The following AK5 variants were observed in gnomAD, a reference collection of about 807,000 sequenced individuals.
The protein encoded by AK5 is adenylate kinase isoenzyme 5.
Under a neutral mutation model 69.5 loss-of-function variants are expected in AK5, and 27 were observed. That is an observed-to-expected ratio of 0.39 (90% confidence interval 0.29 to 0.54). The LOEUF (loss-of-function observed/expected upper bound fraction) is 0.54, where lower values mean the gene tolerates loss of function less well. Ranked by LOEUF, AK5 falls within the 20% of genes least tolerant of loss-of-function variation. AK5 has a pLI of 0.71. For synonymous variants in AK5, 260 were observed against 244.4 expected (o/e 1.06, Z -0.60); for missense variants, 531 against 700.4 (o/e 0.76, Z 2.73).
At chr1:77,456,498 C>G (rs763465445) in intron 8 of AK5, among the ~76,000 whole-genome samples, 74 of 152,308 alleles carry the variant, frequency 4.9e-4, no homozygotes, top group Non-Finnish European at 7.6e-4. Context: ...CAAGCTTGGG[C>G]TGGGGCTCAG....
At chr1:77,461,976 C>A (rs1457326562) in intron 8 of AK5, among the ~76,000 whole-genome samples, 1 of 152,122 alleles carries the variant, frequency 6.6e-6, no homozygotes, top group Non-Finnish European at 1.5e-5. Flanking sequence ...GTGATGAATA[C>A]ATACAATTTT....
rs963719037 is a variant in AK5 at position 77,539,668 on chromosome 1, G to A, written c.1620+3630G>A. On this transcript the variant is annotated intron_variant, in intron 13 of 13. Transcript: ENST00000354567. ...AGGGGAGGGGACAGGATTGTTTGCC[G>A]CTGGAGAGGGAGAAAGCCACTGGCC... Among the ~76,000 whole-genome samples, 14 of 152,210 alleles carry A rather than the reference G, an allele frequency of 9.2e-5. No individual in the cohort carries two copies. The South Asian group carries it at 1.4e-3, about 16-fold the overall frequency.
rs138548840 is a variant in AK5 at position 77,423,990 on chromosome 1, C to A, written c.1059+6275C>A. Among the ~76,000 whole-genome samples, 37 of 152,212 alleles carry A rather than the reference C, an allele frequency of 2.4e-4. 1 individual carries two copies. In the East Asian group the frequency reaches 7.1e-3, roughly 29 times the overall value. On this transcript the variant is annotated intron_variant, in intron 8 of 13. Coordinates refer to ENST00000354567, the MANE Select transcript of AK5 (RefSeq NM_174858.3). ...GTCCCACCCAAAGGGAGAAAAGTAT[C>A]GAAAAACACTGGCAGAGTTCACAGT...
At chr1:77,551,262 A>G (rs1051625601) in intron 13 of AK5, among the ~76,000 whole-genome samples, 2 of 152,048 alleles carry the variant, frequency 1.3e-5, no homozygotes, top group African/African-American at 4.8e-5. Context: ...CTATAAGACA[A>G]CAGAAATTGC....
rs188626986 is a variant in AK5 at position 77,484,934 on chromosome 1, A to G, written c.1103-1374A>G. ...ATGTCATGTACCATCATTCATTTTA[A>G]AACAACTATTTTTTAAAACTGAAAT... On this transcript the variant is annotated intron_variant, in intron 9 of 13. Transcript: ENST00000354567. Among the ~76,000 whole-genome samples the G allele has an allele frequency of 1.8e-4, 27 of 152,332 alleles. No individual in the cohort carries two copies. In the East Asian group the frequency reaches 5.0e-3, roughly 28 times the overall value.
chr1:77,345,343 C>G (rs547012412), intron 6 of AK5, among the ~76,000 whole-genome samples: 1 of 152,174 alleles, frequency 6.6e-6, no homozygotes, highest in Non-Finnish European at 1.5e-5. Flanking sequence ...AAGGCAGAGG[C>G]TGAAAAAAGG....
chr1:77,540,450 G>A (rs1477276921), intron 13 of AK5: 3 of 152,240 alleles, frequency 2.0e-5, no homozygotes, highest in African/African-American at 7.2e-5. Flanking sequence ...AAGTCTGAAT[G>A]CTGTCTCAGA....
At chr1:77,356,335 T>G (rs910377305) in intron 6 of AK5, among the ~76,000 whole-genome samples, 1 of 152,144 alleles carries the variant, frequency 6.6e-6, no homozygotes, top group Non-Finnish European at 1.5e-5. Flanking sequence ...GAAACATAGA[T>G]TTAAACCAAC....
intron 8 of AK5, among the ~76,000 whole-genome samples, chr1:77,423,236 A>AAAAG (rs1650969315): frequency 6.8e-6 from 1 of 148,098 alleles, no homozygotes; most frequent in Admixed American, 6.7e-5. Flanking sequence ...AAAAATAAAA[A>AAAAG]AAAAAGAAGA....
chr1:77,404,880 A>T (rs1171493189), intron 6 of AK5, among the ~76,000 whole-genome samples: 1 of 152,234 alleles, frequency 6.6e-6, no homozygotes, highest in Non-Finnish European at 1.5e-5. Flanking sequence ...AAATGATTTT[A>T]TGAATTGTGC....
At chr1:77,361,779 C>G (rs1646869512) in intron 6 of AK5, among the ~76,000 whole-genome samples, 1 of 152,100 alleles carries the variant, frequency 6.6e-6, no homozygotes. Context: ...TTAAACCCAT[C>G]AGATCTCATG....
At chr1:77,374,931 A>T (rs914634008) in intron 6 of AK5, among the ~76,000 whole-genome samples, 1 of 151,990 alleles carries the variant, frequency 6.6e-6, no homozygotes, top group African/African-American at 2.4e-5. Context: ...TTCTTACCAA[A>T]CTCTTAAAAT....
intron 6 of AK5, among the ~76,000 whole-genome samples, chr1:77,400,953 AAAG>A (rs1649175684): frequency 6.6e-6 from 1 of 150,522 alleles, no homozygotes; most frequent in South Asian, 2.1e-4. Context: ...AAAAAAAAAA[AAAG>A]TATGTTCCGC....
intron 10 of AK5, among the ~76,000 whole-genome samples, chr1:77,496,350 G>A (rs1390825377): frequency 6.6e-6 from 1 of 152,182 alleles, no homozygotes; most frequent in East Asian, 1.9e-4. Context: ...AGGAGAGATA[G>A]TATGAACTTC....
At chr1:77,552,387 A>G (rs1275203734) in intron 13 of AK5, among the ~76,000 whole-genome samples, 1 of 152,186 alleles carries the variant, frequency 6.6e-6, no homozygotes, top group African/African-American at 2.4e-5. Context: ...CCGTGCTTTA[A>G]CAAGAATCAT....
At chr1:77,556,692 G>A (rs978264585) in intron 13 of AK5, among the ~76,000 whole-genome samples, 1 of 152,116 alleles carries the variant, frequency 6.6e-6, no homozygotes, top group African/African-American at 2.4e-5. Flanking sequence ...AAAGCCCTAG[G>A]GGAAGAAAAA....
At chr1:77,358,976 C>T (rs76334534) in intron 6 of AK5, among the ~76,000 whole-genome samples, 6,442 of 151,782 alleles carry the variant, frequency 0.042, 199 homozygotes, top group South Asian at 0.091. Context: ...GAATTACAGG[C>T]GGTGCATGGT....
chr1:77,550,509 C>A (rs1659772028), intron 13 of AK5, among the ~76,000 whole-genome samples: 1 of 152,160 alleles, frequency 6.6e-6, no homozygotes, highest in African/African-American at 2.4e-5. Flanking sequence ...AAGTCTCATT[C>A]ACAGAAAACA....
chr1:77,380,070 A>G (rs1487678433), intron 6 of AK5, among the ~76,000 whole-genome samples: 1 of 152,228 alleles, frequency 6.6e-6, no homozygotes, highest in Non-Finnish European at 1.5e-5. Context: ...AAAGAATACT[A>G]TTAAGAAGGC....
Sources: allele counts gnomAD v4.1 joint callset (sites outside exome capture counted in the v4.1 genomes callset), GRCh38; gene constraint gnomAD v4.1.1; transcripts MANE v1.5; gene names NCBI Gene and HGNC (gene_info 2026-07-23, HGNC 2026-07-21).